Variants in ADGRL3 observed in about 807,000 individuals in gnomAD.
The protein encoded by ADGRL3 is calcium-independent alpha-latrotoxin receptor 3.
Under a neutral mutation model 153.5 loss-of-function variants are expected in ADGRL3, and 62 were observed. The ratio of observed to expected loss-of-function variants is 0.40; its 90% confidence interval spans 0.33 to 0.50. The LOEUF is 0.50. Ranked by LOEUF, ADGRL3 falls within the 20% of genes least tolerant of loss-of-function variation. The probability of loss-of-function intolerance (pLI) is 0.47; values close to 1 mark genes in which losing one functional copy is unlikely to be tolerated. For synonymous variants in ADGRL3, 710 were observed against 672.5 expected (o/e 1.06, Z -0.86); for missense variants, 1,641 against 1,859.4 (o/e 0.88, Z 2.16).
At chr4:62,042,066 G>A (rs1160686686) in intron 24 of ADGRL3, among the ~76,000 whole-genome samples, 1 of 151,918 alleles carries the variant, frequency 6.6e-6, no homozygotes, top group Admixed American at 6.6e-5. Context: ...GTATGGAAAA[G>A]AGAGCATAGA....
intron 5 of ADGRL3, among the ~76,000 whole-genome samples, chr4:61,609,355 G>A (rs1424263387): frequency 6.6e-6 from 1 of 152,004 alleles, no homozygotes; most frequent in Non-Finnish European, 1.5e-5. Context: ...GGTATAATAT[G>A]CTGTATGTAC....
At position 62,074,873 on chromosome 4, in the gene ADGRL3, T is replaced by G. The variant is rs1577792580; in HGVS notation, c.*3965T>G. 6.6e-6 allele frequency: 1 copy of G among 152,162 alleles called. No individual in the cohort carries two copies. The highest frequency in any genetic ancestry group is 2.1e-4 in the South Asian group (1 of 4,832). The allele number at this position is 152,162 out of a possible 1,614,324, so 9.4% of individuals were successfully genotyped here. On this transcript the variant is annotated 3_prime_UTR_variant, in exon 27 of 27. Transcript: ENST00000683033. ...ATGACAAAACTTTTCATAATAGATATAAGCATATAAGGGAATTAGTAACAT... is the reference window on the plus strand; with the variant it reads ...ATGACAAAACTTTTCATAATAGATAGAAGCATATAAGGGAATTAGTAACAT...
chr4:61,371,369 C>T (rs374041836), intron 1 of ADGRL3, among the ~76,000 whole-genome samples: 13 of 151,634 alleles, frequency 8.6e-5, no homozygotes, highest in South Asian at 4.2e-4. Flanking sequence ...CGGCTGGTAC[C>T]GGTTGTTCCT....
chr4:61,961,687 A>G (rs2098988376), intron 17 of ADGRL3, among the ~76,000 whole-genome samples: 1 of 152,290 alleles, frequency 6.6e-6, no homozygotes, highest in Non-Finnish European at 1.5e-5. Context: ...AAGAGAATCT[A>G]CCTAGAGATA....
chr4:61,407,189 TAG>T, intron 2 of ADGRL3, among the ~76,000 whole-genome samples: 1 of 152,186 alleles, frequency 6.6e-6, no homozygotes, highest in African/African-American at 2.4e-5. Flanking sequence ...GATTTCATAA[TAG>T]AGATAATTTG....
intron 6 of ADGRL3, among the ~76,000 whole-genome samples, chr4:61,705,673 AT>A (rs1554008522): frequency 1.3e-5 from 2 of 151,680 alleles, no homozygotes; most frequent in Non-Finnish European, 2.9e-5. Flanking sequence ...AATTTTTTGT[AT>A]TTTTGGTAGA....
intron 1 of ADGRL3, among the ~76,000 whole-genome samples, chr4:61,229,100 G>A (rs115214286): frequency 0.011 from 1,731 of 152,252 alleles, 37 homozygotes; most frequent in African/African-American, 0.04. Flanking sequence ...AAAAGCAAGG[G>A]CCTTAGAGGT....
At chr4:61,359,025 A>G (rs975565992) in intron 1 of ADGRL3, among the ~76,000 whole-genome samples, 4 of 152,180 alleles carry the variant, frequency 2.6e-5, no homozygotes, top group African/African-American at 4.8e-5. Context: ...AAGCTTTTAC[A>G]GTTTCAAAAA....
chr4:61,305,626 A>T (rs775459964), intron 1 of ADGRL3, among the ~76,000 whole-genome samples: 3 of 152,114 alleles, frequency 2.0e-5, no homozygotes, highest in Non-Finnish European at 4.4e-5. Flanking sequence ...TATCTATGTT[A>T]TTGACAAAGT....
intron 1 of ADGRL3, among the ~76,000 whole-genome samples, chr4:61,360,229 T>G (rs531071871): frequency 6.6e-6 from 1 of 152,292 alleles, no homozygotes; most frequent in Non-Finnish European, 1.5e-5. Flanking sequence ...GCTGTGATCT[T>G]AAGGATTTTA....
intron 18 of ADGRL3, among the ~76,000 whole-genome samples, chr4:61,980,989 T>C (rs759481985): frequency 6.6e-6 from 1 of 152,186 alleles, no homozygotes; most frequent in Non-Finnish European, 1.5e-5. Context: ...CTCCTTTGGG[T>C]AAAACCAGGG....
At chr4:61,852,430 T>C (rs553682650) in intron 9 of ADGRL3, among the ~76,000 whole-genome samples, 1 of 152,198 alleles carries the variant, frequency 6.6e-6, no homozygotes, top group South Asian at 2.1e-4. Context: ...TTCTCGTGCC[T>C]CAGCCTCCCG....
intron 8 of ADGRL3, among the ~76,000 whole-genome samples, chr4:61,738,967 C>A (rs1305872061): frequency 6.6e-6 from 1 of 152,080 alleles, no homozygotes; most frequent in Non-Finnish European, 1.5e-5. Flanking sequence ...CTATGTTTCT[C>A]TAAAAACATT....
chr4:61,348,836 G>A (rs1401775231), intron 1 of ADGRL3, among the ~76,000 whole-genome samples: 2 of 151,764 alleles, frequency 1.3e-5, no homozygotes, highest in African/African-American at 4.8e-5. Flanking sequence ...TTATTTCTTT[G>A]TGTTTTACTG....
chr4:61,631,915 C>T (rs755260224), intron 5 of ADGRL3, among the ~76,000 whole-genome samples: 2 of 152,056 alleles, frequency 1.3e-5, no homozygotes, highest in Non-Finnish European at 2.9e-5. Flanking sequence ...GCGTGAGCCA[C>T]CACACCTGGC....
intron 8 of ADGRL3, among the ~76,000 whole-genome samples, chr4:61,801,481 T>C (rs1173328004): frequency 6.6e-6 from 1 of 152,140 alleles, no homozygotes; most frequent in Non-Finnish European, 1.5e-5. Flanking sequence ...CCCACATTCA[T>C]GTCAAGGAGG....
chr4:61,749,598 C>G (rs917031183), intron 8 of ADGRL3, among the ~76,000 whole-genome samples: 5 of 152,004 alleles, frequency 3.3e-5, no homozygotes, highest in African/African-American at 1.2e-4. Flanking sequence ...TCTCAGTAAA[C>G]TATCACAAGA....
At chr4:61,291,245 T>C (rs1346919074) in intron 1 of ADGRL3, among the ~76,000 whole-genome samples, 1 of 147,982 alleles carries the variant, frequency 6.8e-6, no homozygotes, top group Non-Finnish European at 1.5e-5. Context: ...TCTGTGTCCA[T>C]GGATTCCACA....
intron 2 of ADGRL3, among the ~76,000 whole-genome samples, chr4:61,429,294 AC>A (rs1425651644): frequency 1.3e-5 from 2 of 152,160 alleles, no homozygotes; most frequent in Non-Finnish European, 2.9e-5. Context: ...AAAGAACACA[AC>A]CCTTGAGTTG....
Sources: allele counts gnomAD v4.1 joint callset (sites outside exome capture counted in the v4.1 genomes callset), GRCh38; gene constraint gnomAD v4.1.1; transcripts MANE v1.5; gene names NCBI Gene and HGNC (gene_info 2026-07-23, HGNC 2026-07-21).